RGS6: variants seen among roughly 807,000 people sequenced by gnomAD.
RGS6 encodes the protein regulator of G protein signaling 6.
RGS6 carries 30 observed loss-of-function variants against 78.5 expected under a neutral mutation model. That is an observed-to-expected ratio of 0.38 (90% CI 0.29 to 0.52). The LOEUF is 0.52. RGS6 is among the 20% of genes least tolerant of loss of function. The probability of loss-of-function intolerance (pLI) is 0.85; values close to 1 mark genes in which losing one functional copy is unlikely to be tolerated. For synonymous variants in RGS6, 206 were observed against 206.0 expected (o/e 1.00, Z 0.00); for missense variants, 495 against 609.7 (o/e 0.81, Z 1.98).
intron 3 of RGS6, among the ~76,000 whole-genome samples, chr14:72,370,124 T>C (rs550711627): frequency 6.7e-6 from 1 of 148,288 alleles, no homozygotes; most frequent in Non-Finnish European, 1.5e-5. Flanking sequence ...ACCAACTGTC[T>C]GAATGAGAAC....
intron 2 of RGS6, among the ~76,000 whole-genome samples, chr14:72,169,514 GGGT>G (rs1567367383): frequency 6.6e-6 from 1 of 152,210 alleles, no homozygotes; most frequent in Non-Finnish European, 1.5e-5. Flanking sequence ...GGCTTACTTA[GGGT>G]GGTGGTGCAT....
the RGS6 span, among the ~76,000 whole-genome samples, chr14:71,884,654 GTTC>G: frequency 1.3e-5 from 2 of 152,136 alleles, no homozygotes; most frequent in African/African-American, 4.8e-5. Context: ...GACACACTTT[GTTC>G]TTCTTAGCCA....
At chr14:71,948,738 C>CTTTTTTTTTTTTTTTTTTT (rs766352167) in intron 1 of RGS6, among the ~76,000 whole-genome samples, 1 of 75,238 alleles carries the variant, frequency 1.3e-5, no homozygotes, top group Admixed American at 1.6e-4. Flanking sequence ...CTCTCTCTCT[C>CTTTTTTTTTTTTTTTTTTT]TCTTTTTTTT....
chr14:72,014,282 A>C (rs979976727), intron 2 of RGS6, among the ~76,000 whole-genome samples: 3 of 152,240 alleles, frequency 2.0e-5, no homozygotes, highest in Non-Finnish European at 4.4e-5. Flanking sequence ...TCAGACACAC[A>C]GTCTAAATGG....
At chr14:71,943,476 T>A (rs1020340708) in intron 1 of RGS6, among the ~76,000 whole-genome samples, 1 of 152,164 alleles carries the variant, frequency 6.6e-6, no homozygotes, top group African/African-American at 2.4e-5. Context: ...CCTGAGGCAT[T>A]GCTGTGTTAG....
chr14:72,009,712 A>G (rs1269474526), intron 2 of RGS6, among the ~76,000 whole-genome samples: 1 of 152,226 alleles, frequency 6.6e-6, no homozygotes, highest in Non-Finnish European at 1.5e-5. Flanking sequence ...CCATAGGATA[A>G]TAAATATTTG....
intron 2 of RGS6, among the ~76,000 whole-genome samples, chr14:72,149,176 C>T (rs1378821504): frequency 1.3e-5 from 2 of 152,198 alleles, no homozygotes; most frequent in Non-Finnish European, 2.9e-5. Flanking sequence ...TTAGCTTCTT[C>T]AGAGCTTGGT....
chr14:72,192,751 C>G (rs1359951045), intron 2 of RGS6, among the ~76,000 whole-genome samples: 1 of 152,172 alleles, frequency 6.6e-6, no homozygotes, highest in Non-Finnish European at 1.5e-5. Flanking sequence ...AATTTTCTTT[C>G]TTTCGTTCAC....
At chr14:72,420,254 A>G (rs752034068) in intron 3 of RGS6, among the ~76,000 whole-genome samples, 1 of 152,150 alleles carries the variant, frequency 6.6e-6, no homozygotes, top group East Asian at 1.9e-4. Flanking sequence ...AACCTGTTCT[A>G]TTTGAGGGTC....
chr14:71,924,464 G>C, the RGS6 span, among the ~76,000 whole-genome samples: 1 of 152,028 alleles, frequency 6.6e-6, no homozygotes, highest in Admixed American at 6.5e-5. Context: ...ATAAGCTATA[G>C]CCCTCATGCT....
the RGS6 span, among the ~76,000 whole-genome samples, chr14:71,900,430 C>T: frequency 7.2e-5 from 11 of 152,170 alleles, no homozygotes; most frequent in Admixed American, 3.3e-4. Context: ...CTCTCATTTT[C>T]GGGTCCGTGA....
intron 13 of RGS6, among the ~76,000 whole-genome samples, chr14:72,499,809 G>A (rs1402606692): frequency 6.6e-6 from 1 of 151,986 alleles, no homozygotes; most frequent in Non-Finnish European, 1.5e-5. Context: ...CCCTTCCTCA[G>A]AAGGGCTTTC....
the RGS6 span, among the ~76,000 whole-genome samples, chr14:71,875,214 GA>G: frequency 6.6e-6 from 1 of 152,130 alleles, no homozygotes; most frequent in Non-Finnish European, 1.5e-5. Context: ...GTTTCAGAAG[GA>G]ATGGTACCAG....
chr14:72,099,262 C>A (rs1037427586), intron 2 of RGS6, among the ~76,000 whole-genome samples: 1 of 152,090 alleles, frequency 6.6e-6, no homozygotes, highest in Non-Finnish European at 1.5e-5. Flanking sequence ...TGGGTTCATG[C>A]CATTCTCCTG....
intron 2 of RGS6, among the ~76,000 whole-genome samples, chr14:72,099,018 G>T (rs974770341): frequency 6.6e-6 from 1 of 152,168 alleles, no homozygotes; most frequent in Admixed American, 6.5e-5. Flanking sequence ...GCTTTTTCAT[G>T]ATTTGATTTA....
At chr14:72,252,945 G>A (rs10149098) in intron 2 of RGS6, among the ~76,000 whole-genome samples, 92,909 of 152,044 alleles carry the variant, frequency 0.61, 28,987 homozygotes, top group African/African-American at 0.71. Flanking sequence ...TGCCCAGGAG[G>A]GTTACTTCTC....
rs899418029 is a variant in RGS6 at position 72,563,482 on chromosome 14, T to G, written c.*1015T>G. On this transcript the variant is annotated 3_prime_UTR_variant, in exon 18 of 18. Transcript: ENST00000553525. ...CAGGCACAGTGAGACCCTTGCTGGG[T>G]CAGGTCTCCTTTGTGTGTGAAGCTG... 11 of 152,554 alleles carry G rather than the reference T, an allele frequency of 7.2e-5. No homozygotes were observed. Among genetic ancestry groups the G allele is most frequent in the African/African-American group, 2.7e-4 (11 of 41,424 alleles). The allele number at this position is 152,554 out of a possible 1,614,324, so 9.5% of individuals were successfully genotyped here. A position where few individuals can be genotyped will look rare whatever the true frequency, so the allele number is the denominator to read the frequency against.
intron 17 of RGS6, among the ~76,000 whole-genome samples, chr14:72,552,963 G>T (rs2097527296): frequency 6.6e-6 from 1 of 152,222 alleles, no homozygotes; most frequent in Non-Finnish European, 1.5e-5. Context: ...AGCCAAACAA[G>T]CGATTGCCTG....
chr14:72,373,743 A>G (rs1476991105), intron 3 of RGS6, among the ~76,000 whole-genome samples: 1 of 152,144 alleles, frequency 6.6e-6, no homozygotes, highest in Non-Finnish European at 1.5e-5. Context: ...CCTAATTCCA[A>G]ATTCTAAGTC....
Sources: gnomAD v4.1 joint callset for allele counts (sites outside exome capture counted in the v4.1 genomes callset) on GRCh38, gnomAD v4.1.1 for gene constraint, MANE v1.5 for transcripts, NCBI Gene and HGNC (gene_info 2026-07-23, HGNC 2026-07-21) for gene names.